NELL1: variants seen among roughly 807,000 people sequenced by gnomAD.
The protein encoded by NELL1 is neural EGFL like 1, also known as protein kinase C-binding protein NELL1.
NELL1 carries 76 observed loss-of-function variants against 107.4 expected under a neutral mutation model. The ratio of observed to expected loss-of-function variants is 0.71; its 90% CI spans 0.59 to 0.86. The LOEUF is 0.86. NELL1 is among the 40% of genes least tolerant of loss of function. The pLI is 0.00. For missense variants in NELL1, 1,024 were observed against 1,005.5 expected (o/e 1.02, Z -0.25); for synonymous variants, 353 against 341.2 (o/e 1.03, Z -0.38).
At chr11:20,901,446 T>C (rs757522617) in intron 5 of NELL1, among the ~76,000 whole-genome samples, 3 of 152,062 alleles carry the variant, frequency 2.0e-5, no homozygotes, top group Non-Finnish European at 2.9e-5. Context: ...ACTGAAGACC[T>C]AACTGGGGAG....
At chr11:20,699,340 T>C (rs1854709729) in intron 2 of NELL1, among the ~76,000 whole-genome samples, 2 of 152,254 alleles carry the variant, frequency 1.3e-5, no homozygotes, top group African/African-American at 2.4e-5. Context: ...GGTATATATA[T>C]GTATACACCA....
At chr11:20,966,213 T>C (rs769157000) in intron 12 of NELL1, among the ~76,000 whole-genome samples, 3 of 152,090 alleles carry the variant, frequency 2.0e-5, no homozygotes, top group Non-Finnish European at 4.4e-5. Context: ...AAAATGAAGG[T>C]GCCAGCATCT....
At chr11:20,798,463 T>A (rs1474174) in intron 3 of NELL1, among the ~76,000 whole-genome samples, 92,415 of 152,084 alleles carry the variant, frequency 0.61, 30,086 homozygotes, top group East Asian at 0.87. Context: ...ATTAATATTT[T>A]TGCATAAAAT....
At chr11:20,794,253 T>C (rs954647362) in intron 3 of NELL1, among the ~76,000 whole-genome samples, 1 of 152,210 alleles carries the variant, frequency 6.6e-6, no homozygotes, top group Non-Finnish European at 1.5e-5. Context: ...TTAGGCAGTC[T>C]CTGTCTTGAT....
intron 14 of NELL1, among the ~76,000 whole-genome samples, chr11:21,264,285 A>G (rs1848595530): frequency 1.3e-5 from 2 of 151,872 alleles, no homozygotes. Flanking sequence ...TCTTTTTGGC[A>G]TCTCACTTTC....
intron 15 of NELL1, among the ~76,000 whole-genome samples, chr11:21,403,222 T>C (rs1852140678): frequency 6.6e-6 from 1 of 151,650 alleles, no homozygotes; most frequent in Non-Finnish European, 1.5e-5. Context: ...GGGGGTTCTT[T>C]TCTGGAGTTT....
intron 12 of NELL1, among the ~76,000 whole-genome samples, chr11:21,074,739 G>A (rs917023910): frequency 6.6e-6 from 1 of 152,012 alleles, no homozygotes; most frequent in African/African-American, 2.4e-5. Flanking sequence ...CATCCATACA[G>A]CAACTTTTTT....
intron 2 of NELL1, among the ~76,000 whole-genome samples, chr11:20,704,502 A>G (rs186286962): frequency 9.8e-5 from 15 of 152,320 alleles, no homozygotes; most frequent in African/African-American, 3.6e-4. Context: ...TAGCCCATTT[A>G]GATTTAAGGT....
intron 14 of NELL1, among the ~76,000 whole-genome samples, chr11:21,245,886 G>C (rs1426552507): frequency 6.6e-6 from 1 of 152,164 alleles, no homozygotes; most frequent in Non-Finnish European, 1.5e-5. Flanking sequence ...AGAAAATTAA[G>C]AGTCAATAAA....
At chr11:20,698,822 G>A (rs1854691422) in intron 2 of NELL1, among the ~76,000 whole-genome samples, 2 of 152,078 alleles carry the variant, frequency 1.3e-5, no homozygotes, top group Admixed American at 6.6e-5. Context: ...AGTCCCCGAA[G>A]TCCATTATAT....
At position 21,323,029 on chromosome 11, in the gene NELL1, G is replaced by A. The variant is rs867307462; in HGVS notation, c.1550-47824G>A. On this transcript the variant is annotated intron_variant, in intron 14 of 19. Transcript: ENST00000357134. ...GCCTGGAATAAAACTGCTTCACTCAGTCATCAAAGGGCTCTTTAAAATTCT... is the reference window on the plus strand; with the variant it reads ...GCCTGGAATAAAACTGCTTCACTCAATCATCAAAGGGCTCTTTAAAATTCT... Among the ~76,000 whole-genome samples, 10 of 152,220 alleles carry A rather than the reference G, an allele frequency of 6.6e-5. No individual in the cohort carries two copies. In the South Asian group the frequency reaches 1.7e-3, roughly 25 times the overall value.
At chr11:21,145,381 T>C (rs916180456) in intron 13 of NELL1, among the ~76,000 whole-genome samples, 1 of 152,214 alleles carries the variant, frequency 6.6e-6, no homozygotes, top group African/African-American at 2.4e-5. Context: ...TGACATTTGC[T>C]AATGGCTTGG....
chr11:21,417,357 A>G lies in NELL1; in HGVS notation c.1645+46409A>G, dbSNP rs550007906. ...TGGTGGTATTTACTCAGAAGTTACT[A>G]GGAATCTTTTTATTCATTATTCAAA... On this transcript the variant is annotated intron_variant, in intron 15 of 19. Coordinates refer to ENST00000357134, the MANE Select transcript of NELL1 (RefSeq NM_006157.5). 1.3e-3 allele frequency among the ~76,000 whole-genome samples: 191 copies of G among 152,120 alleles called. No homozygotes were observed. In the Middle Eastern group the frequency reaches 0.02, roughly 16 times the overall value.
intron 15 of NELL1, among the ~76,000 whole-genome samples, chr11:21,472,677 A>G (rs1854212855): frequency 1.3e-5 from 2 of 151,756 alleles, no homozygotes; most frequent in Non-Finnish European, 2.9e-5. Context: ...CTACATACTT[A>G]TTTTTTTCTT....
intron 12 of NELL1, among the ~76,000 whole-genome samples, chr11:20,985,736 A>G (rs1039038452): frequency 6.6e-6 from 1 of 152,220 alleles, no homozygotes; most frequent in African/African-American, 2.4e-5. Flanking sequence ...ACTGGCCAAA[A>G]GTCAAAGCAG....
chr11:21,356,999 CTGAG>C (rs1303896471), intron 14 of NELL1, among the ~76,000 whole-genome samples: 2 of 152,192 alleles, frequency 1.3e-5, no homozygotes, highest in African/African-American at 2.4e-5. Flanking sequence ...CTTTTTATGG[CTGAG>C]TATTATTCCA....
intron 13 of NELL1, among the ~76,000 whole-genome samples, chr11:21,177,080 A>G (rs1045078433): frequency 9.9e-5 from 15 of 151,846 alleles, no homozygotes; most frequent in African/African-American, 3.6e-4. Context: ...ATCATCTCGC[A>G]TACGTATCCC....
At chr11:21,070,095 G>A (rs1010937958) in intron 12 of NELL1, among the ~76,000 whole-genome samples, 5 of 151,570 alleles carry the variant, frequency 3.3e-5, no homozygotes, top group Admixed American at 1.3e-4. Flanking sequence ...CTCACACCTC[G>A]ACTAACCTAC....
intron 4 of NELL1, among the ~76,000 whole-genome samples, chr11:20,859,847 T>C (rs1848947866): frequency 6.6e-6 from 1 of 152,176 alleles, no homozygotes; most frequent in Admixed American, 6.5e-5. Flanking sequence ...TTTTCATGGA[T>C]GGCAATTTTT....
Sources: allele counts gnomAD v4.1 joint callset (sites outside exome capture counted in the v4.1 genomes callset), GRCh38; gene constraint gnomAD v4.1.1; transcripts MANE v1.5; gene names NCBI Gene and HGNC (gene_info 2026-07-23, HGNC 2026-07-21).